The following MYT1L variants were observed in gnomAD, a reference collection of about 807,000 sequenced individuals.
MYT1L encodes myelin transcription factor 1 like.
Under a neutral mutation model 126.7 loss-of-function variants are expected in MYT1L, and 12 were observed. The observed-to-expected ratio is 0.09, with a 90% CI of 0.06 to 0.15. The LOEUF is 0.15. Ranked by LOEUF, MYT1L falls within the 10% of genes least tolerant of loss-of-function variation. The probability of loss-of-function intolerance (pLI) is 1.00; values close to 1 mark genes in which losing one functional copy is unlikely to be tolerated. For synonymous variants in MYT1L, 541 were observed against 604.2 expected (o/e 0.90, Z 1.53); for missense variants, 979 against 1,585.2 (o/e 0.62, Z 6.49).
intron 14 of MYT1L, among the ~76,000 whole-genome samples, chr2:1,894,227 T>C (rs1410652535): frequency 6.6e-6 from 1 of 152,176 alleles, no homozygotes; most frequent in East Asian, 1.9e-4. Context: ...CTCTCTACTT[T>C]GGGATGCCCC....
chr2:2,022,119 G>A (rs374027578), intron 4 of MYT1L, among the ~76,000 whole-genome samples: 50 of 152,258 alleles, frequency 3.3e-4, no homozygotes, highest in African/African-American at 1.1e-3. Context: ...CACACTGTTC[G>A]TAAAAGGAAT....
chr2:2,146,441 C>T (rs375936428), intron 3 of MYT1L, among the ~76,000 whole-genome samples: 4 of 152,268 alleles, frequency 2.6e-5, no homozygotes, highest in African/African-American at 9.6e-5. Context: ...CACCATCCTC[C>T]TAAGGTGAGG....
intron 1 of MYT1L, among the ~76,000 whole-genome samples, chr2:2,314,998 C>G (rs763099549): frequency 6.6e-6 from 1 of 152,174 alleles, no homozygotes; most frequent in Non-Finnish European, 1.5e-5. Context: ...AACTGGACCC[C>G]TTCCTTATAT....
chr2:1,869,932 T>A (rs1175567165), intron 18 of MYT1L, among the ~76,000 whole-genome samples: 1 of 152,166 alleles, frequency 6.6e-6, no homozygotes, highest in African/African-American at 2.4e-5. Flanking sequence ...ACCTAATAAG[T>A]GCTTTAAATT....
intron 5 of MYT1L, among the ~76,000 whole-genome samples, chr2:1,985,674 C>T (rs1388844444): frequency 3.9e-5 from 6 of 152,238 alleles, no homozygotes; most frequent in Non-Finnish European, 8.8e-5. Flanking sequence ...GCTTAATAGA[C>T]TTCTATGCCT....
At chr2:2,294,939 C>G (rs368028617) in intron 1 of MYT1L, among the ~76,000 whole-genome samples, 1 of 152,076 alleles carries the variant, frequency 6.6e-6, no homozygotes, top group African/African-American at 2.4e-5. Flanking sequence ...CAATAACGTG[C>G]AGTTAAAAGT....
intron 2 of MYT1L, among the ~76,000 whole-genome samples, chr2:2,204,741 A>C (rs1392823804): frequency 4.0e-5 from 6 of 151,758 alleles, no homozygotes; most frequent in African/African-American, 1.5e-4. Flanking sequence ...ATACCATTTG[A>C]CCCAGCCATC....
At chr2:2,042,001 G>C (rs1278493952) in intron 4 of MYT1L, among the ~76,000 whole-genome samples, 1 of 152,176 alleles carries the variant, frequency 6.6e-6, no homozygotes, top group Non-Finnish European at 1.5e-5. Flanking sequence ...CTTAGAAGTA[G>C]AGTTTTGTTT....
intron 1 of MYT1L, among the ~76,000 whole-genome samples, chr2:2,295,685 C>CAG (rs201138507): frequency 0.037 from 693 of 18,498 alleles, 36 homozygotes; most frequent in East Asian, 0.13. Context: ...GAGAGACAGA[C>CAG]AGAGAGAGAG....
chr2:1,965,173 A>T (rs538098760), intron 8 of MYT1L, among the ~76,000 whole-genome samples: 117 of 149,374 alleles, frequency 7.8e-4, no homozygotes, highest in Middle Eastern at 3.5e-3. Flanking sequence ...GGCAGGGAAG[A>T]GGAGGACCCA....
intron 2 of MYT1L, among the ~76,000 whole-genome samples, chr2:2,234,410 A>G (rs986512410): frequency 6.6e-6 from 1 of 152,226 alleles, no homozygotes; most frequent in East Asian, 1.9e-4. Flanking sequence ...GATTGTACAA[A>G]AGTGCTTCAA....
intron 21 of MYT1L, chr2:1,825,933 CTA>C (rs1239559372): frequency 6.6e-6 from 1 of 152,246 alleles, no homozygotes; most frequent in Non-Finnish European, 1.5e-5. Context: ...GGGTGACATC[CTA>C]TGAGACCCCA....
In MYT1L at chr2:1,926,469, T is replaced by A. The variant is rs182027639; in HGVS notation, c.506-3206A>T. 3.2e-3 allele frequency among the ~76,000 whole-genome samples: 480 copies of A among 152,314 alleles called. 2 individuals carry two copies. The highest frequency in any genetic ancestry group is 0.011 in the African/African-American group (461 of 41,574). On this transcript the variant is annotated intron_variant, in intron 9 of 24. Coordinates refer to ENST00000647738, the MANE Select transcript of MYT1L (RefSeq NM_001303052.2). ...GGCTATGGGAACTAGATCAGAATTT[T>A]CTGGGCCAGTCTGGGGTTGAAAATG... is the stretch of plus-strand genomic sequence containing the variant.
At position 2,142,615 on chromosome 2, in the gene MYT1L, A is replaced by G. The variant is rs76666642; in HGVS notation, c.-304+30257T>C. ...ACATTTGTGTGCAGTGAACATTAAC[A>G]AAGGGTTAGAGATTCTGTTCCCACT... On this transcript the variant is annotated intron_variant, in intron 3 of 24. Transcript: ENST00000647738. Among the ~76,000 whole-genome samples, 6 of 152,288 alleles carry G rather than the reference A, an allele frequency of 3.9e-5. No individual in the cohort carries two copies. The East Asian group carries it at 1.2e-3, about 30-fold the overall frequency.
chr2:1,895,677 C>A (rs1280759523), intron 14 of MYT1L, among the ~76,000 whole-genome samples: 1 of 152,144 alleles, frequency 6.6e-6, no homozygotes, highest in African/African-American at 2.4e-5. Flanking sequence ...TTGCCATATA[C>A]AAAAATTAAC....
intron 3 of MYT1L, among the ~76,000 whole-genome samples, chr2:2,089,775 C>A (rs1424164910): frequency 6.6e-6 from 1 of 152,132 alleles, no homozygotes; most frequent in Admixed American, 6.5e-5. Flanking sequence ...CTGTCTCTCT[C>A]CTTTTCATCC....
intron 3 of MYT1L, among the ~76,000 whole-genome samples, chr2:2,144,370 G>T (rs2084542246): frequency 6.6e-6 from 1 of 152,148 alleles, no homozygotes; most frequent in South Asian, 2.1e-4. Context: ...CACCTGCTGG[G>T]CTTGGCCATC....
chr2:2,193,986 T>C (rs929620357), intron 2 of MYT1L, among the ~76,000 whole-genome samples: 5 of 152,100 alleles, frequency 3.3e-5, no homozygotes, highest in African/African-American at 1.2e-4. Context: ...TAAATCATTA[T>C]AGTGATTTAA....
chr2:2,312,676 C>A lies in MYT1L; in HGVS notation c.-521+18291G>T, dbSNP rs1255424569. Among the ~76,000 whole-genome samples the A allele has an allele frequency of 2.0e-5, 3 of 152,096 alleles. No homozygotes were observed. The South Asian group carries it at 6.2e-4, about 32-fold the overall frequency. Reference sequence around the variant, plus strand: ...TAGTAGCTTTTTTGACAGTTTCATTCTATGCTTTCTACCCCATTCCCACTC... The same window carrying A: ...TAGTAGCTTTTTTGACAGTTTCATTATATGCTTTCTACCCCATTCCCACTC... On this transcript the variant is annotated intron_variant, in intron 1 of 24. Transcript: ENST00000647738.
Sources: allele counts gnomAD v4.1 joint callset (sites outside exome capture counted in the v4.1 genomes callset), GRCh38; gene constraint gnomAD v4.1.1; transcripts MANE v1.5; gene names NCBI Gene and HGNC (gene_info 2026-07-23, HGNC 2026-07-21).